Variants in SLC8A1 observed in about 807,000 individuals in gnomAD.
SLC8A1 encodes solute carrier family 8 member A1, also known as sodium/calcium exchanger 1.
In SLC8A1, 18 loss-of-function variants were observed where a neutral mutation model predicts 68.3. That is an observed-to-expected ratio of 0.26 (90% CI 0.18 to 0.39). The LOEUF is 0.39. Ranked by LOEUF, SLC8A1 falls within the 10% of genes least tolerant of loss-of-function variation. SLC8A1 has a pLI of 1.00. For synonymous variants in SLC8A1, 475 were observed against 415.5 expected, an observed-to-expected ratio of 1.14 and a Z score of -1.74; for missense variants, 985 against 1,156.7, an observed-to-expected ratio of 0.85 and a Z score of 2.15.
At chr2:40,380,384 G>A (rs552659921) in intron 2 of SLC8A1, among the ~76,000 whole-genome samples, 1 of 152,244 alleles carries the variant, frequency 6.6e-6, no homozygotes, top group South Asian at 2.1e-4. Context: ...AGGCATTAAT[G>A]TGCAATGGAT....
At chr2:40,426,699 C>G (rs1278558188) in intron 2 of SLC8A1, among the ~76,000 whole-genome samples, 1 of 151,868 alleles carries the variant, frequency 6.6e-6, no homozygotes, top group Admixed American at 6.6e-5. Flanking sequence ...AAACAAAACA[C>G]AGATTTAAGT....
intron 2 of SLC8A1, among the ~76,000 whole-genome samples, chr2:40,394,614 G>C (rs928754558): frequency 6.6e-6 from 1 of 152,022 alleles, no homozygotes; most frequent in Non-Finnish European, 1.5e-5. Context: ...TGAAAATAAA[G>C]TTTGTGAACC....
At chr2:40,368,588 C>T (rs1406166178) in intron 2 of SLC8A1, among the ~76,000 whole-genome samples, 1 of 151,956 alleles carries the variant, frequency 6.6e-6, no homozygotes, top group African/African-American at 2.4e-5. Context: ...TTTTCAATTA[C>T]TGTGTTTTTT....
intron 2 of SLC8A1, among the ~76,000 whole-genome samples, chr2:40,236,955 T>G (rs569691602): frequency 6.8e-4 from 104 of 152,306 alleles, no homozygotes; most frequent in African/African-American, 2.3e-3. Flanking sequence ...TTGTAGGGTT[T>G]CTGCCGAGAG....
At chr2:40,457,406 T>C (rs1023973857) in intron 1 of SLC8A1, among the ~76,000 whole-genome samples, 3 of 152,218 alleles carry the variant, frequency 2.0e-5, no homozygotes, top group Admixed American at 6.5e-5. Context: ...CCTCGCTGTA[T>C]CTTCAATTGC....
intron 2 of SLC8A1, among the ~76,000 whole-genome samples, chr2:40,412,965 A>C (rs183641486): frequency 6.6e-6 from 1 of 152,116 alleles, no homozygotes; most frequent in Non-Finnish European, 1.5e-5. Flanking sequence ...GGTTTGTTAC[A>C]TATGTATACA....
chr2:40,140,849 C>T (rs1202705893), intron 6 of SLC8A1, among the ~76,000 whole-genome samples: 2 of 151,018 alleles, frequency 1.3e-5, no homozygotes, highest in African/African-American at 4.9e-5. Context: ...ATATATATCA[C>T]AATTTTGCCA....
At chr2:40,329,196 TCTCTGGCC>T (rs2076161872) in intron 2 of SLC8A1, among the ~76,000 whole-genome samples, 1 of 152,058 alleles carries the variant, frequency 6.6e-6, no homozygotes, top group African/African-American at 2.4e-5. Context: ...ACTCTCATAT[TCTCTGGCC>T]CATTGAAACC....
At chr2:40,378,510 T>A (rs1680682462) in intron 2 of SLC8A1, among the ~76,000 whole-genome samples, 1 of 152,110 alleles carries the variant, frequency 6.6e-6, no homozygotes. Context: ...GAGTTTTTAC[T>A]CTCAGTGAAG....
rs193099435 is a variant in SLC8A1 at position 40,382,233 on chromosome 2, T to C, written c.1808+46240A>G. On this transcript the variant is annotated intron_variant, in intron 2 of 7. Transcript: ENST00000406785. ...ACCTGCCACAGAGTCTAGCATATTATAGCTCAGAAAGGCATAACAGTAGAA... is the reference window on the plus strand; with the variant it reads ...ACCTGCCACAGAGTCTAGCATATTACAGCTCAGAAAGGCATAACAGTAGAA... 2.5e-3 allele frequency among the ~76,000 whole-genome samples: 383 copies of C among 152,176 alleles called. 1 individual carries two copies. The highest frequency in any genetic ancestry group is 4.4e-3 in the Non-Finnish European group (297 of 68,000).
At chr2:40,135,478 G>A (rs984470702) in intron 7 of SLC8A1, among the ~76,000 whole-genome samples, 2 of 152,110 alleles carry the variant, frequency 1.3e-5, no homozygotes, top group Non-Finnish European at 2.9e-5. Flanking sequence ...GGGCGGCAGG[G>A]GAGGGGTGGC....
At chr2:40,126,048 C>G (rs1232596024) in intron 7 of SLC8A1, among the ~76,000 whole-genome samples, 1 of 152,052 alleles carries the variant, frequency 6.6e-6, no homozygotes. Context: ...AACGGAAGCT[C>G]CTTAGGGGTC....
intron 7 of SLC8A1, among the ~76,000 whole-genome samples, chr2:40,117,371 C>T (rs1411091566): frequency 1.6e-5 from 2 of 127,856 alleles, no homozygotes; most frequent in Non-Finnish European, 3.2e-5. Flanking sequence ...ATGGTGAAAC[C>T]CTGTCTATAT....
chr2:40,467,224 C>A (rs1703733200), intron 1 of SLC8A1, among the ~76,000 whole-genome samples: 1 of 152,104 alleles, frequency 6.6e-6, no homozygotes, highest in Non-Finnish European at 1.5e-5. Context: ...TTTACGTGTC[C>A]AAAGACTCCA....
At chr2:40,438,188 A>G (rs1176954426) in intron 1 of SLC8A1, among the ~76,000 whole-genome samples, 1 of 152,168 alleles carries the variant, frequency 6.6e-6, no homozygotes, top group East Asian at 1.9e-4. Flanking sequence ...CCTGATAGAC[A>G]ATGGTAATTC....
chr2:40,428,743 T>C (rs747687015), exon 2 of SLC8A1: 12 of 1,613,676 alleles, frequency 7.4e-6, no homozygotes, highest in South Asian at 1.1e-5. Flanking sequence ...AGAAACATGA[T>C]TGGCTTCCAG....
exon 8 of SLC8A1, chr2:40,101,992 C>T (rs1338048304): frequency 2.0e-5 from 3 of 152,136 alleles, no homozygotes; most frequent in Non-Finnish European, 2.9e-5. Context: ...CCTAATTGCA[C>T]TCTGGGGACA....
At chr2:40,156,508 GA>G (rs2044536779) in intron 6 of SLC8A1, among the ~76,000 whole-genome samples, 1 of 148,326 alleles carries the variant, frequency 6.7e-6, no homozygotes, top group Non-Finnish European at 1.5e-5. Context: ...GTAAAAGAAA[GA>G]GGGAGGAGTG....
rs537486048 is a variant in SLC8A1, at chr2:40,398,855, C to T, written c.1808+29618G>A. Reference sequence around the variant, plus strand: ...CCCAGTTTGATTGATAAATGACACACTTCCCTTGGCCTAGGAAGAAGCAAC... The same window carrying T: ...CCCAGTTTGATTGATAAATGACACATTTCCCTTGGCCTAGGAAGAAGCAAC... On this transcript the variant is annotated intron_variant, in intron 2 of 7. Coordinates refer to ENST00000406785, the Ensembl canonical transcript of SLC8A1. Among the ~76,000 whole-genome samples, 71 of 152,330 alleles carry T rather than the reference C, an allele frequency of 4.7e-4. 1 individual carries two copies. Among genetic ancestry groups the T allele is most frequent in the Admixed American group, 8.5e-4 (13 of 15,296 alleles).
Sources: gnomAD v4.1 joint callset for allele counts (sites outside exome capture counted in the v4.1 genomes callset) on GRCh38, gnomAD v4.1.1 for gene constraint, MANE v1.5 for transcripts, NCBI Gene and HGNC (gene_info 2026-07-23, HGNC 2026-07-21) for gene names.